Variants in CATSPER4 observed in about 807,000 individuals in gnomAD.
CATSPER4 encodes the protein cation channel sperm associated 4, also known as cation channel sperm-associated protein 4.
Under a neutral mutation model 54.4 loss-of-function variants are expected in CATSPER4, and 46 were observed. The ratio of observed to expected loss-of-function variants is 0.84; its 90% CI spans 0.67 to 1.08. The LOEUF is 1.08. CATSPER4 is among the 50% of genes least tolerant of loss of function. The pLI, the probability that CATSPER4 is intolerant of heterozygous loss-of-function variation, is 0.00. For synonymous variants in CATSPER4, 230 were observed against 231.9 expected (o/e 0.99, Z 0.08); for missense variants, 574 against 612.8 (o/e 0.94, Z 0.67).
chr1:26,191,510 C>T (rs1222981414), intron 2 of CATSPER4, 80 bp downstream of exon 2: 8 of 1,501,148 alleles, frequency 5.3e-6, no homozygotes, highest in Admixed American at 1.8e-5. Context: ...TCAGGCTCCT[C>T]ATCTGTCTAT....
rs372077902 is a variant in CATSPER4, at chr1:26,201,075, T to C, written c.1199+34T>C. The C allele has an allele frequency of 1.7e-4, 263 of 1,538,212 alleles. No homozygotes were observed. In the African/African-American group the frequency reaches 3.2e-3, roughly 19 times the overall value. ...GGGTACTGGGGCTGCCCCCAAGTCA[T>C]GTGAGTCAAGGCTGGGCGGAGCGTC... On this transcript the variant is annotated intron_variant, in intron 8 of 9. Transcript: ENST00000456354.
intron 2 of CATSPER4, among the ~76,000 whole-genome samples, chr1:26,191,773 A>G (rs1196047260): frequency 1.3e-5 from 2 of 152,176 alleles, no homozygotes; most frequent in East Asian, 3.9e-4. Context: ...CTGACTGTGC[A>G]GACTGCCAGG....
At chr1:26,201,295 G>C (rs1330210563) in intron 8 of CATSPER4, 59 bp from the exon 9 acceptor site, 2 of 1,563,896 alleles carry the variant, frequency 1.3e-6, no homozygotes, top group African/African-American at 1.4e-5. Context: ...GGGAAGAGGT[G>C]GGAGGGCTGC....
chr1:26,197,792 G>A lies in CATSPER4; in HGVS notation c.557+9G>A. The A allele has an allele frequency of 6.2e-7, 1 of 1,610,950 alleles. No homozygotes were observed. On this transcript the variant is annotated intron_variant, in intron 4 of 9. Coordinates refer to ENST00000456354, the MANE Select transcript of CATSPER4 (RefSeq NM_198137.2). Reference sequence around the variant, plus strand: ...ATCAACTACACTCTCAGGTGAGCGGGGAGCTCTGGAGAAATGAGGGGGACC... The same window carrying A: ...ATCAACTACACTCTCAGGTGAGCGGAGAGCTCTGGAGAAATGAGGGGGACC...
chr1:26,193,967 A>G (rs758722770), intron 3 of CATSPER4, 79 bp downstream of exon 3: 24 of 938,816 alleles, frequency 2.6e-5, no homozygotes, highest in Middle Eastern at 4.2e-4. Context: ...TCCTGGCCCT[A>G]CAAACTGAGG....
intron 3 of CATSPER4, 125 bp from the exon 4 acceptor site, chr1:26,197,561 C>G (rs547987878): frequency 1.4e-6 from 1 of 713,698 alleles, no homozygotes; most frequent in African/African-American, 1.7e-5. Context: ...CAGTGGATGG[C>G]AGCTGACTGG....
Position 26,190,811 on chromosome 1 carries a change from A to G in CATSPER4, c.184A>G (p.Ile62Val), listed in dbSNP as rs1165983501. ...CGGTCGGCCAGAGGAGCAAGTGCTCATCAACCGCCAGGAAATCACGAACAA... is the reference window on the plus strand; with the variant it reads ...CGGTCGGCCAGAGGAGCAAGTGCTCGTCAACCGCCAGGAAATCACGAACAA... ...SYGRPEEQVL[I>V]NRQEITNKAD... Residue 62 changes from isoleucine (I) to valine (V), a missense_variant, in exon 1 of 10, where the codon ATC (isoleucine) becomes GTC (valine). Ile to Val is a conservative substitution (Grantham distance 29). Transcript: ENST00000456354. 2 of 1,612,314 alleles carry G rather than the reference A, an allele frequency of 1.2e-6. No homozygotes were observed. The highest frequency in any genetic ancestry group is 1.7e-6 in the Non-Finnish European group (2 of 1,179,352).
chr1:26,198,093 C>T lies in CATSPER4; in HGVS notation c.678+16C>T, dbSNP rs368402192. ...CTTCATGCTGGTCAGTGCCTGCCCC[C>T]GCCCCCAGCTGTTTCCCTTCCCTGA... On this transcript the variant is annotated intron_variant, in intron 5 of 9. Coordinates refer to ENST00000456354, the MANE Select transcript of CATSPER4 (RefSeq NM_198137.2). 1.6e-5 allele frequency: 26 copies of T among 1,614,066 alleles called. No homozygotes were observed. Among genetic ancestry groups the T allele is most frequent in the South Asian group, 2.2e-5 (2 of 91,072 alleles).
intron 3 of CATSPER4, among the ~76,000 whole-genome samples, chr1:26,196,913 C>CT (rs1230900409): frequency 0.02 from 1,397 of 71,356 alleles, 19 homozygotes; most frequent in African/African-American, 0.053. Flanking sequence ...TCTTTTCTTT[C>CT]TTTTTTTTTT....
At chr1:26,193,203 G>A (rs956703711) in intron 2 of CATSPER4, among the ~76,000 whole-genome samples, 3 of 152,094 alleles carry the variant, frequency 2.0e-5, no homozygotes, top group Non-Finnish European at 4.4e-5. Context: ...AGTGAATTGG[G>A]CTCTGGACAG....
intron 1 of CATSPER4, 101 bp from the exon 2 acceptor site, chr1:26,191,186 C>T: frequency 7.1e-7 from 1 of 1,403,498 alleles, no homozygotes; most frequent in Non-Finnish European, 9.9e-7. Context: ...TTTCCCCCCT[C>T]TAGAGTGGGC....
At chr1:26,197,851 C>T (rs1391294548) in intron 4 of CATSPER4, 68 bp downstream of exon 4, 21 of 1,607,572 alleles carry the variant, frequency 1.3e-5, no homozygotes, top group South Asian at 2.2e-5. Context: ...GGGGGGATAA[C>T]GACCAGCTGG....
In CATSPER4 at chr1:26,193,863, T is replaced by C. The variant is rs151280406; in HGVS notation, c.434T>C (p.Leu145Pro). The C allele has an allele frequency of 6.6e-4, 1,063 of 1,614,072 alleles. 1 individual carries two copies. Among genetic ancestry groups the C allele is most frequent in the Non-Finnish European group, 7.7e-4 (911 of 1,179,910 alleles). Residue 145 changes from leucine to proline, a missense_variant, in exon 3 of 10, where the codon CTC becomes CCC. Transcript: ENST00000456354. The part of the protein sequence containing the change: ...ILLCEVLLGW[L>P]NGFWIFWKDG... ...CTTTGTGAGGTTCTCCTTGGCTGGC[T>C]CAATGGCTTCTGGATTTTCTGGAAG... is the stretch of plus-strand genomic sequence containing the variant.
intron 9 of CATSPER4, 93 bp downstream of exon 9, chr1:26,201,612 T>G: frequency 1.6e-6 from 2 of 1,287,456 alleles, no homozygotes; most frequent in South Asian, 1.2e-5. Flanking sequence ...TCAAAGTTTC[T>G]GTCTATTCCA....
intron 7 of CATSPER4, 25 bp from the exon 8 acceptor site, chr1:26,200,805 C>T: frequency 1.9e-6 from 3 of 1,598,246 alleles, no homozygotes; most frequent in African/African-American, 1.3e-5. Flanking sequence ...GCTGTCCCGA[C>T]CCCTCTCTAT....
chr1:26,198,512 G>C (rs2088970796), intron 6 of CATSPER4, 93 bp downstream of exon 6: 1 of 1,534,400 alleles, frequency 6.5e-7, no homozygotes, highest in Non-Finnish European at 9.0e-7. Flanking sequence ...CAGGGATTGG[G>C]ATGAGGATGG....
chr1:26,202,457 G>T, intron 9 of CATSPER4, 32 bp from the exon 10 acceptor site: 1 of 1,601,676 alleles, frequency 6.2e-7, no homozygotes, highest in Non-Finnish European at 8.5e-7. Context: ...GGGGGGAGTG[G>T]GGGATTAACA....
chr1:26,192,058 A>G (rs1006501444), intron 2 of CATSPER4, among the ~76,000 whole-genome samples: 3 of 152,144 alleles, frequency 2.0e-5, no homozygotes, highest in African/African-American at 7.2e-5. Context: ...TGGGGAAAAG[A>G]AACAGCATGT....
intron 6 of CATSPER4, among the ~76,000 whole-genome samples, chr1:26,199,108 C>T (rs775331490): frequency 2.0e-4 from 30 of 152,080 alleles, no homozygotes; most frequent in Non-Finnish European, 3.5e-4. Context: ...TCAAGGCTAT[C>T]CTGGCTAACA....
Sources: allele counts gnomAD v4.1 joint callset (sites outside exome capture counted in the v4.1 genomes callset), GRCh38; gene constraint gnomAD v4.1.1; transcripts MANE v1.5; gene names NCBI Gene and HGNC (gene_info 2026-07-23, HGNC 2026-07-21).